Variants in ZNF549 observed in about 807,000 individuals in gnomAD.
ZNF549 encodes the protein zinc finger protein 549.
A neutral mutation model predicts 11.1 loss-of-function variants in ZNF549; 11 were observed. The ratio of observed to expected loss-of-function variants is 0.99; its 90% CI spans 0.62 to 1.64. The LOEUF is 1.64. Ranked by LOEUF, ZNF549 falls within the 40% of genes most tolerant of loss-of-function variation. The pLI is 0.00. For synonymous variants in ZNF549, 266 were observed against 269.1 expected (o/e 0.99, Z 0.11); for missense variants, 748 against 765.1 (o/e 0.98, Z 0.26).
At chr19:57,529,994 TGAA>T (rs2123308322) in intron 1 of ZNF549, among the ~76,000 whole-genome samples, 1 of 152,340 alleles carries the variant, frequency 6.6e-6, no homozygotes, top group East Asian at 1.9e-4. Flanking sequence ...ATTTTCAGAC[TGAA>T]GTTGAAATTT....
Position 57,538,488 on chromosome 19 carries a change from A to C in ZNF549, c.1484A>C (p.His495Pro). The C allele has an allele frequency of 6.2e-7, 1 of 1,614,192 alleles. No individual in the cohort carries two copies. The highest frequency in any genetic ancestry group is 1.1e-5 in the South Asian group (1 of 91,078). The change falls in exon 4 of 4, where the codon CAC (histidine) becomes CCC (proline). Residue 495 changes from histidine to proline, a missense_variant. By Grantham distance (77) the His-to-Pro change is moderately conservative. Coordinates refer to ENST00000376233, the MANE Select transcript of ZNF549 (RefSeq NM_001199295.2). ...KQTLLKHHKI[H>P]TRERPYECSE... ...ACACTTCTTAAGCATCACAAAATCC[A>C]CACTAGAGAAAGGCCTTATGAATGC...
intron 2 of ZNF549, 45 bp from the exon 3 acceptor site, chr19:57,535,099 T>C (rs772073199): frequency 1.2e-6 from 2 of 1,602,916 alleles, no homozygotes; most frequent in South Asian, 2.2e-5. Flanking sequence ...CTGGGGTTCC[T>C]GGGGATTGAG....
rs1242354355 is a variant in ZNF549, at chr19:57,537,563, G to A, written c.559G>A (p.Val187Ile). Reference sequence around the variant, plus strand: ...AGACAATCTTTTCCCATGCAAAGATGTTGAGAAGGATTTTCCAACCATCCT... The same window carrying A: ...AGACAATCTTTTCCCATGCAAAGATATTGAGAAGGATTTTCCAACCATCCT... ...LSDNLFPCKD[V>I]EKDFPTILGL... The change falls in exon 4 of 4, where the codon GTT (valine) becomes ATT (isoleucine). Residue 187 changes from valine (V) to isoleucine (I), a missense_variant. By Grantham distance (29) the Val-to-Ile change is conservative. Transcript: ENST00000376233. 6.2e-7 allele frequency: 1 copy of A among 1,614,068 alleles called. No homozygotes were observed. The highest frequency in any genetic ancestry group is 8.5e-7 in the Non-Finnish European group (1 of 1,180,044).
At chr19:57,530,824 A>G (rs74846436) in intron 1 of ZNF549, among the ~76,000 whole-genome samples, 2,548 of 152,156 alleles carry the variant, frequency 0.017, 75 homozygotes, top group African/African-American at 0.057. Flanking sequence ...GTTTTAAAAA[A>G]TGTTTACAGA....
intron 2 of ZNF549, among the ~76,000 whole-genome samples, chr19:57,533,135 C>T (rs2089910852): frequency 6.6e-6 from 1 of 152,176 alleles, no homozygotes; most frequent in Admixed American, 6.5e-5. Flanking sequence ...TTGATAGCTA[C>T]ACATGATGAG....
intron 1 of ZNF549, 127 bp downstream of exon 1, chr19:57,527,733 C>T: frequency 8.4e-7 from 1 of 1,189,174 alleles, no homozygotes; most frequent in East Asian, 2.6e-5. Context: ...GTCCTCAGAG[C>T]TGACGGGCGG....
At chr19:57,531,450 G>GT (rs1400155801) in intron 2 of ZNF549, among the ~76,000 whole-genome samples, 29 of 152,170 alleles carry the variant, frequency 1.9e-4, no homozygotes, top group Admixed American at 1.9e-3. Context: ...ACTAACATGA[G>GT]TTTCTTTTTC....
chr19:57,534,685 C>G (rs998156466), intron 2 of ZNF549, among the ~76,000 whole-genome samples: 11 of 152,184 alleles, frequency 7.2e-5, no homozygotes, highest in Non-Finnish European at 1.5e-4. Flanking sequence ...GAGACTGCCT[C>G]TGACTTGGGT....
chr19:57,531,126 C>T lies in ZNF549; in HGVS notation c.72+18C>T, dbSNP rs755807900. 2 of 1,598,006 alleles carry T rather than the reference C, an allele frequency of 1.3e-6. No homozygotes were observed. Among genetic ancestry groups the T allele is most frequent in the African/African-American group, 2.7e-5 (2 of 74,894 alleles). ...CATCACAGGTAAGTGGAAGAAGTCCCAGGTCTTCACTGGCCCTGTTCCCTA... is the reference window on the plus strand; with the variant it reads ...CATCACAGGTAAGTGGAAGAAGTCCTAGGTCTTCACTGGCCCTGTTCCCTA... On this transcript the variant is annotated intron_variant, in intron 2 of 3. Coordinates refer to ENST00000376233, the MANE Select transcript of ZNF549 (RefSeq NM_001199295.2).
At chr19:57,534,875 C>T (rs996573302) in intron 2 of ZNF549, among the ~76,000 whole-genome samples, 6 of 152,152 alleles carry the variant, frequency 3.9e-5, no homozygotes, top group African/African-American at 1.4e-4. Context: ...GAATGGTGTG[C>T]AACCGGGGAG....
chr19:57,536,610 G>C (rs2089925669), intron 3 of ZNF549, among the ~76,000 whole-genome samples: 1 of 152,138 alleles, frequency 6.6e-6, no homozygotes, highest in Non-Finnish European at 1.5e-5. Flanking sequence ...GTCTCCATCA[G>C]ATGACGTCCT....
In ZNF549 at chr19:57,538,711, C is replaced by T. The variant is rs761560219; in HGVS notation, c.1707C>T (p.Arg569=). 1.9e-6 allele frequency: 3 copies of T among 1,614,114 alleles called. No homozygotes were observed. Among genetic ancestry groups the T allele is most frequent in the Non-Finnish European group, 2.5e-6 (3 of 1,180,008 alleles). The change falls in exon 4 of 4, where the codon CGC becomes CGT. Residue 569 remains arginine (R), a synonymous_variant. Transcript: ENST00000376233. The part of the protein sequence containing the change: ...CSECGKCFRH[R]TSLIQHQKVH... ...AATGTGGGAAATGCTTTAGACACCG[C>T]ACCAGCCTCATTCAACACCAGAAAG...
Position 57,538,750 on chromosome 19 carries a change from G to C in ZNF549, c.1746G>C (p.Glu582Asp). The C allele has an allele frequency of 6.2e-7, 1 of 1,614,226 alleles. No homozygotes were observed. Among genetic ancestry groups the C allele is most frequent in the South Asian group, 1.1e-5 (1 of 91,090 alleles). Residue 582 changes from glutamate (E) to aspartate (D), a missense_variant, in exon 4 of 4, where the codon GAG becomes GAC. By Grantham distance (45) the Glu-to-Asp change is conservative (BLOSUM62 2). Coordinates refer to ENST00000376233, the MANE Select transcript of ZNF549 (RefSeq NM_001199295.2). ...LIQHQKVHSG[E>D]RPYNCTACEK... ...AACACCAGAAAGTTCACAGTGGAGAGAGGCCTTATAACTGCACTGCATGTG... is the reference window on the plus strand; with the variant it reads ...AACACCAGAAAGTTCACAGTGGAGACAGGCCTTATAACTGCACTGCATGTG...
intron 2 of ZNF549, among the ~76,000 whole-genome samples, chr19:57,532,567 G>A (rs1007275955): frequency 2.0e-5 from 3 of 152,180 alleles, no homozygotes; most frequent in South Asian, 2.1e-4. Flanking sequence ...CCTGGTCACC[G>A]GGGTGGGTTG....
rs1414531675 is a variant in ZNF549, at chr19:57,527,556, C to T, written c.-18C>T. The T allele has an allele frequency of 1.2e-6, 2 of 1,613,238 alleles. No homozygotes were observed. Among genetic ancestry groups the T allele is most frequent in the African/African-American group, 1.3e-5 (1 of 74,920 alleles). ...CTTTACCGCCCGCCTTTCCAGGCCC[C>T]GCCCCGCCTAAAGTCCCATGGCCGA... On this transcript the variant is annotated 5_prime_UTR_variant, in exon 1 of 4. Transcript: ENST00000376233.
chr19:57,539,046 T>G lies in ZNF549; in HGVS notation c.*119T>G, dbSNP rs941850984. On this transcript the variant is annotated 3_prime_UTR_variant, in exon 4 of 4. Coordinates refer to ENST00000376233, the MANE Select transcript of ZNF549 (RefSeq NM_001199295.2). ...ATCTGCATATCACTAGTTGAAAGAT[T>G]CACTACAAGGTCCAAGTACTTGGGA... 4.2e-6 allele frequency: 5 copies of G among 1,192,156 alleles called. No individual in the cohort carries two copies. Among genetic ancestry groups the G allele is most frequent in the Non-Finnish European group, 5.8e-6 (5 of 860,056 alleles). 73.8% of individuals were successfully genotyped at this position (1,192,156 alleles called of 1,614,324 possible).
intron 3 of ZNF549, among the ~76,000 whole-genome samples, chr19:57,535,944 T>A (rs898219862): frequency 6.6e-6 from 1 of 152,140 alleles, no homozygotes; most frequent in Admixed American, 6.5e-5. Context: ...TGGGAGGGCA[T>A]GATTTGAGGG....
Position 57,538,029 on chromosome 19 carries a change from G to T in ZNF549, c.1025G>T (p.Arg342Leu). The change falls in exon 4 of 4, where the codon CGC becomes CTC. Residue 342 changes from arginine to leucine, a missense_variant. Arg to Leu is a moderately radical substitution (Grantham distance 102). Transcript: ENST00000376233. ...TGCAATGTATGTGGGAAATCATTCC[G>T]CCACAAACAAACATTTGTTGGCCAT... The part of the protein sequence containing the change: ...YVCNVCGKSF[R>L]HKQTFVGHQQ... 6.2e-7 allele frequency: 1 copy of T among 1,613,176 alleles called. No homozygotes were observed. Among genetic ancestry groups the T allele is most frequent in the Non-Finnish European group, 8.5e-7 (1 of 1,179,788 alleles).
chr19:57,538,668 AGCCCT>A lies in ZNF549; in HGVS notation c.1666_1670del (p.Pro556Ter), dbSNP rs1351454303. ...CACCAGAAAGTTCACACTGGCGAAA[AGCCCT>A]GTGAGTGCAGTGAATGTGGGAAATG... On this transcript the variant is annotated frameshift_variant, in exon 4 of 4. Coordinates refer to ENST00000376233, the MANE Select transcript of ZNF549 (RefSeq NM_001199295.2). LOFTEE classifies it low-confidence loss of function (END_TRUNC). 2 of 1,614,176 alleles carry A rather than the reference AGCCCT, an allele frequency of 1.2e-6. No individual in the cohort carries two copies. The highest frequency in any genetic ancestry group is 1.7e-6 in the Non-Finnish European group (2 of 1,180,014).
Sources: gnomAD v4.1 joint callset for allele counts (sites outside exome capture counted in the v4.1 genomes callset) on GRCh38, gnomAD v4.1.1 for gene constraint, MANE v1.5 for transcripts, NCBI Gene and HGNC (gene_info 2026-07-23, HGNC 2026-07-21) for gene names.